PLXNB2: variants seen among roughly 807,000 people sequenced by gnomAD.
PLXNB2 encodes the protein plexin-B2.
PLXNB2 carries 85 observed loss-of-function variants against 202.6 expected under a neutral mutation model. That is an observed-to-expected ratio of 0.42 (90% CI 0.35 to 0.50). The LOEUF (loss-of-function observed/expected upper bound fraction) is 0.50. PLXNB2 is among the 20% of genes least tolerant of loss of function. The pLI, the probability that PLXNB2 is intolerant of heterozygous loss-of-function variation, is 0.02. For synonymous variants in PLXNB2, 1,239 were observed against 1,137.6 expected, an observed-to-expected ratio of 1.09 and a Z score of -1.79; for missense variants, 2,063 against 2,586.2, an observed-to-expected ratio of 0.80 and a Z score of 4.39.
chr22:50,301,357 G>T, intron 1 of PLXNB2: 1 of 982,194 alleles, frequency 1.0e-6, no homozygotes, highest in Non-Finnish European at 1.2e-6. Flanking sequence ...CGATGTCTCC[G>T]TGCTTCCTGA....
Position 50,275,961 on chromosome 22 carries a change from C to G in PLXNB2, c.5340G>C (p.Ala1780=). 6.2e-7 allele frequency: 1 copy of G among 1,612,408 alleles called. No homozygotes were observed. The highest frequency in any genetic ancestry group is 8.5e-7 in the Non-Finnish European group (1 of 1,179,676). Residue 1780 remains alanine (A), a splice_region_variant and synonymous_variant, in exon 36 of 37, where the codon GCG becomes GCC. Transcript: ENST00000359337. The stretch of plus-strand genomic sequence containing the variant: ...CGAGGGTGTTCAAGGAGTCCGTGTG[C>G]GCCTGGGGGGTGACGGGACAGTCAG... ...MNTHLAEISR[A]HTDSLNTLVA... is the part of the protein sequence containing the mutation.
intron 1 of PLXNB2, among the ~76,000 whole-genome samples, chr22:50,307,180 C>G (rs957633660): frequency 6.6e-6 from 1 of 152,168 alleles, no homozygotes; most frequent in Non-Finnish European, 1.5e-5. Context: ...GCTCCTGTGC[C>G]GCTGAGCCTG....
chr22:50,296,910 A>T (rs1302617424), intron 1 of PLXNB2, among the ~76,000 whole-genome samples: 2 of 152,146 alleles, frequency 1.3e-5, no homozygotes, highest in Non-Finnish European at 2.9e-5. Flanking sequence ...TGAGCTCCAC[A>T]GCTGTGCATG....
chr22:50,292,781 A>G (rs1366746295), intron 2 of PLXNB2, among the ~76,000 whole-genome samples: 1 of 152,186 alleles, frequency 6.6e-6, no homozygotes, highest in Non-Finnish European at 1.5e-5. Context: ...AAATCTCTTG[A>G]GGTGTAACCA....
In PLXNB2 at chr22:50,289,611, G is replaced by T; in HGVS notation, c.974C>A (p.Ala325Asp). 1.2e-6 allele frequency: 2 copies of T among 1,610,354 alleles called. No individual in the cohort carries two copies. The highest frequency in any genetic ancestry group is 1.7e-6 in the Non-Finnish European group (2 of 1,179,832). ...PLDKVHAKMEANRNACYTGTR... is the reference protein window; with the variant it reads ...PLDKVHAKMEDNRNACYTGTR... Reference sequence around the variant, plus strand: ...GCCTGTGTAACAGGCGTTGCGGTTGGCCTCCATCTTGGCGTGCACCTTGTC... The same window carrying T: ...GCCTGTGTAACAGGCGTTGCGGTTGTCCTCCATCTTGGCGTGCACCTTGTC... Residue 325 changes from alanine to aspartate, a missense_variant, in exon 3 of 37, where the codon GCC becomes GAC. Around this residue, in one of 2 missense-constraint regions of PLXNB2, gnomAD observed 1,303 missense variants for 1,476.8 expected, o/e 0.88. Coordinates refer to ENST00000359337, the MANE Select transcript of PLXNB2 (RefSeq NM_012401.4). The surrounding 1 kb of genome is among the most constrained non-coding windows in gnomAD (Gnocchi z 8.0).
In PLXNB2 at chr22:50,278,495, G is replaced by A. The variant is rs779805955; in HGVS notation, c.4672C>T (p.Leu1558=). 3.2e-6 allele frequency: 5 copies of A among 1,564,074 alleles called. No individual in the cohort carries two copies. Among genetic ancestry groups the A allele is most frequent in the South Asian group, 1.2e-5 (1 of 85,608 alleles). The change falls in exon 30 of 37, where the codon CTG becomes TTG. Residue 1558 remains leucine, a synonymous_variant. Coordinates refer to ENST00000359337, the MANE Select transcript of PLXNB2 (RefSeq NM_012401.4). The stretch of plus-strand genomic sequence containing the variant: ...TGCTGGGAGACCCCCACCTTGGACA[G>A]GATGAGGGTGGCTCCATCCCGGACC... ...YNVRDGATLI[L]SKVGVSQQPE... is the part of the protein sequence containing the mutation.
rs1417874169 is a variant in PLXNB2, at chr22:50,288,473, A to G, written c.1380+270T>C. ...ACCAACCCAGGTCCCTTCCATCAGG[A>G]CAGGGCAGAGGCGGGGCCAGAGGGA... On this transcript the variant is annotated intron_variant, in intron 5 of 36. Transcript: ENST00000359337. This position sits in a 1 kb window ranked among gnomAD's most constrained non-coding sequence, Gnocchi z 5.0. 3.9e-5 allele frequency among the ~76,000 whole-genome samples: 6 copies of G among 152,104 alleles called. No homozygotes were observed. The highest frequency in any genetic ancestry group is 7.4e-5 in the Non-Finnish European group (5 of 68,004).
In PLXNB2 at chr22:50,295,761, C is replaced by T. The variant is rs1486321616; in HGVS notation, c.-73-983G>A. Among the ~76,000 whole-genome samples the T allele has an allele frequency of 2.6e-5, 4 of 152,088 alleles. No homozygotes were observed. In the East Asian group the frequency reaches 7.7e-4, roughly 29 times the overall value. ...GGAAGCCTGGGTGCAGTATTTGGCC[C>T]CATCCATCTCTGAGAGGCTCCAGAA... On this transcript the variant is annotated intron_variant, in intron 1 of 36. Transcript: ENST00000359337.
rs373694108 is a variant in PLXNB2 at position 50,282,294 on chromosome 22, C to T, written c.3007G>A (p.Val1003Ile). 2.4e-5 allele frequency: 38 copies of T among 1,610,684 alleles called. No homozygotes were observed. Among genetic ancestry groups the T allele is most frequent in the Non-Finnish European group, 3.1e-5 (36 of 1,178,886 alleles). ...SFASGGRSIN[V>I]TGQGFSLIQR... ...ATCAGGCTGAAGCCCTGACCCGTGA[C>T]GTTGATGCTGCGGCCACCACTGCGG... Residue 1003 changes from valine to isoleucine, a missense_variant, in exon 19 of 37, where the codon GTC becomes ATC. Val to Ile is a conservative substitution (Grantham distance 29, BLOSUM62 3). Coordinates refer to ENST00000359337, the MANE Select transcript of PLXNB2 (RefSeq NM_012401.4).
rs2065955595 is a variant in PLXNB2 at position 50,281,105 on chromosome 22, G to A, written c.3747C>T (p.Cys1249=). ...GGTCCCTACCTGTGAATTCCTTCTTGCAGCGGTCCCGCACGCTCTCCTCCA... is the reference window on the plus strand; with the variant it reads ...GGTCCCTACCTGTGAATTCCTTCTTACAGCGGTCCCGCACGCTCTCCTCCA... ...EGLEESVRDR[C]KKEFTDLMIE... Residue 1249 remains cysteine, a synonymous_variant, in exon 23 of 37, where the codon TGC becomes TGT. Coordinates refer to ENST00000359337, the MANE Select transcript of PLXNB2 (RefSeq NM_012401.4). The A allele has an allele frequency of 3.1e-6, 5 of 1,612,974 alleles. No individual in the cohort carries two copies. The South Asian group carries it at 3.3e-5, about 11-fold the overall frequency.
chr22:50,291,669 A>C lies in PLXNB2; in HGVS notation c.-13-1072T>G, dbSNP rs2066878156. Among the ~76,000 whole-genome samples the C allele has an allele frequency of 6.6e-6, 1 of 152,058 alleles. No homozygotes were observed. The highest frequency in any genetic ancestry group is 2.1e-4 in the South Asian group (1 of 4,826). ...CCCTTCTGCCTCTGAGCTCTTCCTC[A>C]GGGTGGTCCGTCCCTCTCACGCTAG... On this transcript the variant is annotated intron_variant, in intron 2 of 36. Coordinates refer to ENST00000359337, the MANE Select transcript of PLXNB2 (RefSeq NM_012401.4). The surrounding 1 kb of genome is among the most constrained non-coding windows in gnomAD (Gnocchi z 4.3).
At chr22:50,302,141 C>G (rs2067724517) in intron 1 of PLXNB2, among the ~76,000 whole-genome samples, 1 of 152,114 alleles carries the variant, frequency 6.6e-6, no homozygotes, top group African/African-American at 2.4e-5. Context: ...GCCGTCTCAG[C>G]AGGGGAGAGG....
In PLXNB2 at chr22:50,287,141, T is replaced by C. The variant is rs754908392; in HGVS notation, c.1732A>G (p.Ser578Gly). 2.6e-6 allele frequency: 4 copies of C among 1,540,572 alleles called. No individual in the cohort carries two copies. Among genetic ancestry groups the C allele is most frequent in the South Asian group, 1.2e-5 (1 of 82,888 alleles). ...CCTGGCGGTGTGACGGGGATGCTGC[T>C]TGGGGAGTTGCAGATGACGGCCTCG... ...EGEAVICNSP[S>G]SIPVTPPGQD... is the part of the protein sequence containing the mutation. The change falls in exon 8 of 37, where the codon AGC becomes GGC. Residue 578 changes from serine to glycine, a missense_variant. Physicochemically the swap from Ser to Gly is moderately conservative, Grantham distance 56. Around this residue, in one of 2 missense-constraint regions of PLXNB2, gnomAD observed 1,303 missense variants for 1,476.8 expected, o/e 0.88. Transcript: ENST00000359337.
At chr22:50,295,647 G>A (rs2067209332) in intron 1 of PLXNB2, among the ~76,000 whole-genome samples, 1 of 152,194 alleles carries the variant, frequency 6.6e-6, no homozygotes, top group Non-Finnish European at 1.5e-5. Flanking sequence ...TGGCTTTAGT[G>A]AAAATTTGGC....
intron 1 of PLXNB2, among the ~76,000 whole-genome samples, chr22:50,295,043 G>C (rs111744454): frequency 6.6e-6 from 1 of 152,094 alleles, no homozygotes; most frequent in Non-Finnish European, 1.5e-5. Context: ...TTCTGAGGCC[G>C]GGTGCGGTGG....
intron 8 of PLXNB2, among the ~76,000 whole-genome samples, chr22:50,286,499 G>A (rs1479474834): frequency 6.6e-6 from 1 of 152,202 alleles, no homozygotes; most frequent in Non-Finnish European, 1.5e-5. Flanking sequence ...ACGCTGGGCT[G>A]GACCTGCCAC....
At position 50,281,079 on chromosome 22, in the gene PLXNB2, C is replaced by T. The variant is rs759543709; in HGVS notation, c.3763+10G>A. 15 of 1,610,660 alleles carry T rather than the reference C, an allele frequency of 9.3e-6. No individual in the cohort carries two copies. The highest frequency in any genetic ancestry group is 2.2e-5 in the East Asian group (1 of 44,844). On this transcript the variant is annotated intron_variant, in intron 23 of 36. Transcript: ENST00000359337. ...AGGCGCCCCAGCACCAGCCCCCAAG[C>T]GGTCCCTACCTGTGAATTCCTTCTT...
intron 1 of PLXNB2, among the ~76,000 whole-genome samples, chr22:50,307,293 G>A (rs1035977947): frequency 1.3e-5 from 2 of 152,012 alleles, no homozygotes; most frequent in Non-Finnish European, 2.9e-5. Context: ...ATCCGACGCG[G>A]CTCCGGAGGG....
chr22:50,281,432 G>A lies in PLXNB2; in HGVS notation c.3590C>T (p.Pro1197Leu), dbSNP rs371055458. 20 of 1,612,374 alleles carry A rather than the reference G, an allele frequency of 1.2e-5. No homozygotes were observed. Among genetic ancestry groups the A allele is most frequent in the Non-Finnish European group, 1.7e-5 (20 of 1,179,766 alleles). ...VEYDTRVSDVPLSLILPLVIV... is the reference protein window; with the variant it reads ...VEYDTRVSDVLLSLILPLVIV... Reference sequence around the variant, plus strand: ...GACCAGCGGCAAGATGAGGCTGAGCGGCACGTCGCTCACCCGTGTGTCGTA... The same window carrying A: ...GACCAGCGGCAAGATGAGGCTGAGCAGCACGTCGCTCACCCGTGTGTCGTA... Residue 1197 changes from proline (P) to leucine (L), a missense_variant, in exon 22 of 37, where the codon CCG becomes CTG. Pro to Leu is a moderately conservative substitution (Grantham distance 98). Coordinates refer to ENST00000359337, the MANE Select transcript of PLXNB2 (RefSeq NM_012401.4).
Sources: gnomAD v4.1 joint callset for allele counts (sites outside exome capture counted in the v4.1 genomes callset) on GRCh38, gnomAD v4.1.1 for gene constraint, gnomAD v4.1.1 regional missense constraint, Gnocchi (gnomAD v3.1) non-coding constraint, MANE v1.5 for transcripts, NCBI Gene and HGNC (gene_info 2026-07-23, HGNC 2026-07-21) for gene names.